EFNB1: variants seen among roughly 807,000 people sequenced by gnomAD.
EFNB1 encodes ephrin-B1.
Under a neutral mutation model 18.1 loss-of-function variants are expected in EFNB1, and 1 was observed. The observed-to-expected ratio is 0.06, with a 90% CI of 0.02 to 0.26. EFNB1 has a LOEUF of 0.26. Among genes scored for constraint, EFNB1 ranks in the 10% least tolerant of loss-of-function variants. The pLI is 1.00. For synonymous variants in EFNB1, 131 were observed against 127.5 expected, an observed-to-expected ratio of 1.03 and a Z score of -0.19; for missense variants, 221 against 301.8, an observed-to-expected ratio of 0.73 and a Z score of 1.98.
intron 1 of EFNB1, among the ~76,000 whole-genome samples, chrX:68,832,800 CTCTG>C (rs2080449714): frequency 1.4e-5 from 1 of 70,259 alleles, no homozygotes; most frequent in South Asian, 5.9e-4. Context: ...TTTTAGGAAC[CTCTG>C]TGTGTGCGTG....
At chrX:68,835,966 G>A (rs2080459789) in intron 1 of EFNB1, among the ~76,000 whole-genome samples, 1 of 111,521 alleles carries the variant, frequency 9.0e-6, no homozygotes, top group Non-Finnish European at 1.9e-5. Context: ...AGCCAGAACC[G>A]AGTGGTTAGA....
intron 1 of EFNB1, 77 bp downstream of exon 1, chrX:68,829,981 G>GT: frequency 8.8e-7 from 1 of 1,131,237 alleles, no homozygotes; most frequent in Non-Finnish European, 1.2e-6. Flanking sequence ...CGGAGTGCAT[G>GT]TGGGGAGGTC....
intron 1 of EFNB1, among the ~76,000 whole-genome samples, chrX:68,837,392 G>T (rs1292283852): frequency 8.9e-6 from 1 of 111,756 alleles, no homozygotes; most frequent in African/African-American, 3.3e-5. Context: ...TGGAAGGTAG[G>T]GGCTCTTGCC....
chrX:68,832,164 C>G (rs930410736), intron 1 of EFNB1, among the ~76,000 whole-genome samples: 5 of 110,630 alleles, frequency 4.5e-5, no homozygotes. Flanking sequence ...AACAGTCCCT[C>G]TCTGTCTCCC....
chrX:68,837,539 CA>C (rs904586889), intron 1 of EFNB1, among the ~76,000 whole-genome samples: 1 of 112,512 alleles, frequency 8.9e-6, no homozygotes, highest in African/African-American at 3.2e-5. Context: ...GCCTTGCTCT[CA>C]GCACCAGCCC....
intron 1 of EFNB1, among the ~76,000 whole-genome samples, chrX:68,835,200 G>C (rs371427833): frequency 9.0e-6 from 1 of 110,997 alleles, no homozygotes; most frequent in Non-Finnish European, 1.9e-5. Flanking sequence ...GGCGCCCTGG[G>C]GTCCCAGGGC....
intron 1 of EFNB1, among the ~76,000 whole-genome samples, chrX:68,838,380 A>G (rs1047323442): frequency 9.0e-6 from 1 of 111,410 alleles, no homozygotes; most frequent in Non-Finnish European, 1.9e-5. Context: ...GCAGTGCTCC[A>G]CCCTGCCGAG....
intron 1 of EFNB1, among the ~76,000 whole-genome samples, chrX:68,834,717 C>G (rs964816752): frequency 8.9e-6 from 1 of 112,898 alleles, no homozygotes; most frequent in Admixed American, 9.3e-5. Flanking sequence ...CGTGGGGTCA[C>G]TGAATCGAGG....
In EFNB1 at chrX:68,841,047, A is replaced by G. The variant is rs1431743994; in HGVS notation, c.*393A>G. ...TTTAATGCTTTTGTGTTCATTTTTT[A>G]GCTGTCAACTCATTTTCATCTGTTT... On this transcript the variant is annotated 3_prime_UTR_variant, in exon 5 of 5. Transcript: ENST00000204961. 2 of 191,180 alleles carry G rather than the reference A, an allele frequency of 1.0e-5. No individual in the cohort carries two copies. The allele number at this position is 191,180 out of a possible 1,213,427, so 15.8% of individuals were successfully genotyped here. A position where few individuals can be genotyped will look rare whatever the true frequency, so the allele number is the denominator to read the frequency against.
intron 1 of EFNB1, among the ~76,000 whole-genome samples, chrX:68,838,170 T>C (rs912627394): frequency 2.6e-5 from 1 of 38,674 alleles, no homozygotes. Context: ...TGTGTGTGTG[T>C]GTGCGCGCGC....
rs945790151 is a variant in EFNB1, at chrX:68,839,044, C to T, written c.406+150C>T. On this transcript the variant is annotated intron_variant, in intron 2 of 4. Coordinates refer to ENST00000204961, the MANE Select transcript of EFNB1 (RefSeq NM_004429.5). Reference sequence around the variant, plus strand: ...TCCCCTTTGAAGACTGGCATGTTCTCCTCTTAGCCTGGCCTTGGAATTCTC... The same window carrying T: ...TCCCCTTTGAAGACTGGCATGTTCTTCTCTTAGCCTGGCCTTGGAATTCTC... 8.6e-6 allele frequency: 7 copies of T among 815,085 alleles called. No individual in the cohort carries two copies. In the African/African-American group the frequency reaches 1.2e-4, roughly 14 times the overall value. 67.2% of individuals were successfully genotyped at this position (815,085 alleles called of 1,213,427 possible).
rs1178869449 is a variant in EFNB1 at position 68,835,335 on chromosome X, G to GA, written c.129-3278dup. 3.6e-5 allele frequency among the ~76,000 whole-genome samples: 4 copies of GA among 111,477 alleles called. No homozygotes were observed. In the Admixed American group the frequency reaches 3.8e-4, roughly 10 times the overall value. On this transcript the variant is annotated intron_variant, in intron 1 of 4. Coordinates refer to ENST00000204961, the MANE Select transcript of EFNB1 (RefSeq NM_004429.5). ...CTTTGTCTGGGGGTGGCCCCAGACAGAAAAGCTTGGCTTGGTCCTAGGGTG... is the reference window on the plus strand; with the variant it reads ...CTTTGTCTGGGGGTGGCCCCAGACAGAAAAAGCTTGGCTTGGTCCTAGGGTG...
At chrX:68,832,394 T>C (rs745867505) in intron 1 of EFNB1, among the ~76,000 whole-genome samples, 1 of 111,203 alleles carries the variant, frequency 9.0e-6, no homozygotes, top group South Asian at 3.8e-4. Flanking sequence ...TCATTTTCTC[T>C]CTTCCTTCCC....
rs1311023059 is a variant in EFNB1 at position 68,838,560 on chromosome X, G to A, written c.129-57G>A. On this transcript the variant is annotated intron_variant, in intron 1 of 4. Coordinates refer to ENST00000204961, the MANE Select transcript of EFNB1 (RefSeq NM_004429.5). ...GCTCTTGTCCGCTTCCCTGGTTCTG[G>A]AATGGCCTGGGGCCACCCCCAACCC... is the stretch of plus-strand genomic sequence containing the variant. 7 of 1,199,130 alleles carry A rather than the reference G, an allele frequency of 5.8e-6. No individual in the cohort carries two copies. In the African/African-American group the frequency reaches 1.1e-4, roughly 18 times the overall value.
chrX:68,831,117 C>T (rs952775429), intron 1 of EFNB1, among the ~76,000 whole-genome samples: 13 of 111,278 alleles, frequency 1.2e-4, no homozygotes, highest in African/African-American at 3.6e-4. Flanking sequence ...CCTGCTCCAT[C>T]CGTGATCACT....
Position 68,840,420 on chromosome X carries a change from C to T in EFNB1, c.807C>T (p.His269=). Reference sequence around the variant, plus strand: ...TACTACTGAAGCTACGCAAGCGGCACCGCAAGCACACACAGCAGCGGGCGG... The same window carrying T: ...TACTACTGAAGCTACGCAAGCGGCATCGCAAGCACACACAGCAGCGGGCGG... ...TVLLLKLRKR[H]RKHTQQRAAA... The change falls in exon 5 of 5, where the codon CAC becomes CAT. Residue 269 remains histidine, a synonymous_variant. Coordinates refer to ENST00000204961, the MANE Select transcript of EFNB1 (RefSeq NM_004429.5). The T allele has an allele frequency of 4.1e-6, 5 of 1,212,075 alleles. No individual in the cohort carries two copies. The highest frequency in any genetic ancestry group is 5.6e-6 in the Non-Finnish European group (5 of 895,583).
At chrX:68,832,899 C>T (rs753023110) in intron 1 of EFNB1, among the ~76,000 whole-genome samples, 45 of 109,862 alleles carry the variant, frequency 4.1e-4, no homozygotes, top group Admixed American at 3.9e-4. Context: ...CAGCCTCTTC[C>T]CCTGGGAACT....
Position 68,829,784 on chromosome X carries a change from G to A in EFNB1, c.8G>A (p.Arg3Gln). Residue 3 changes from arginine to glutamine, a missense_variant, in exon 1 of 5, where the codon CGG becomes CAG. Coordinates refer to ENST00000204961, the MANE Select transcript of EFNB1 (RefSeq NM_004429.5). MA[R>Q]PGQRWLGKWL... ...CAGTCTGCCCCCGGGAAGATGGCTC[G>A]GCCTGGGCAGCGTTGGCTCGGCAAG... The A allele has an allele frequency of 8.4e-7, 1 of 1,192,014 alleles. No homozygotes were observed. Among genetic ancestry groups the A allele is most frequent in the African/African-American group, 1.7e-5 (1 of 57,575 alleles).
At chrX:68,836,570 T>C (rs1175053830) in intron 1 of EFNB1, among the ~76,000 whole-genome samples, 1 of 112,447 alleles carries the variant, frequency 8.9e-6, no homozygotes, top group African/African-American at 3.2e-5. Flanking sequence ...ATCATTTCCC[T>C]CCCTCAGATG....
Sources: allele counts gnomAD v4.1 joint callset (sites outside exome capture counted in the v4.1 genomes callset), GRCh38; gene constraint gnomAD v4.1.1; transcripts MANE v1.5; gene names NCBI Gene and HGNC (gene_info 2026-07-23, HGNC 2026-07-21).